FSTL5: variants seen among roughly 807,000 people sequenced by gnomAD.
FSTL5 encodes follistatin like 5.
In FSTL5, 62 loss-of-function variants were observed where a neutral mutation model predicts 89.1. The observed-to-expected ratio is 0.70, with a 90% confidence interval of 0.57 to 0.86. The LOEUF is 0.86. Among genes scored for constraint, FSTL5 ranks in the 40% least tolerant of loss-of-function variants. The pLI is 0.00. For synonymous variants in FSTL5, 383 were observed against 346.2 expected (o/e 1.11, Z -1.18); for missense variants, 1,057 against 1,001.6 (o/e 1.06, Z -0.75).
intron 4 of FSTL5, among the ~76,000 whole-genome samples, chr4:161,875,786 C>A (rs1036995427): frequency 6.6e-6 from 1 of 152,174 alleles, no homozygotes; most frequent in African/African-American, 2.4e-5. Flanking sequence ...TGTCACCAGG[C>A]TTTGGCCAAT....
chr4:161,921,476 G>C (rs1733993258), intron 3 of FSTL5, among the ~76,000 whole-genome samples: 2 of 151,940 alleles, frequency 1.3e-5, no homozygotes, highest in South Asian at 4.2e-4. Flanking sequence ...AATGAAAAAT[G>C]GCAGTAAATT....
intron 4 of FSTL5, among the ~76,000 whole-genome samples, chr4:161,878,200 C>T (rs1034306645): frequency 2.0e-5 from 3 of 152,000 alleles, no homozygotes; most frequent in African/African-American, 7.2e-5. Context: ...ATGAGAAGTG[C>T]TATACTTCCT....
At chr4:161,621,570 C>T (rs1019620435) in intron 7 of FSTL5, among the ~76,000 whole-genome samples, 3 of 151,772 alleles carry the variant, frequency 2.0e-5, no homozygotes, top group Non-Finnish European at 4.4e-5. Flanking sequence ...AAGAAACCAA[C>T]AAAATAGAAT....
At chr4:161,992,847 CAA>C (rs60808579) in intron 3 of FSTL5, among the ~76,000 whole-genome samples, 2 of 22,914 alleles carry the variant, frequency 8.7e-5, no homozygotes, top group African/African-American at 1.7e-4. Context: ...AACTCCATCT[CAA>C]AAAAAAAAAA....
chr4:161,638,473 T>A (rs1441893961), intron 7 of FSTL5, among the ~76,000 whole-genome samples: 1 of 152,148 alleles, frequency 6.6e-6, no homozygotes, highest in African/African-American at 2.4e-5. Flanking sequence ...TCCTGCCTAA[T>A]TGCCCTGGCC....
At chr4:162,038,393 T>C (rs1485312688) in intron 2 of FSTL5, among the ~76,000 whole-genome samples, 1 of 151,904 alleles carries the variant, frequency 6.6e-6, no homozygotes, top group Non-Finnish European at 1.5e-5. Flanking sequence ...TGGGAAGAAG[T>C]ACGGTTTTAT....
rs115920463 is a variant in FSTL5 at position 161,919,245 on chromosome 4, T to A, written c.409+1159A>T. On this transcript the variant is annotated intron_variant, in intron 4 of 15. Coordinates refer to ENST00000306100, the MANE Select transcript of FSTL5 (RefSeq NM_020116.5). ...TGTTATCCTTTTGGTAAAAGAACTGTCATAAAATTCTCTGCACATGTATGT... is the reference window on the plus strand; with the variant it reads ...TGTTATCCTTTTGGTAAAAGAACTGACATAAAATTCTCTGCACATGTATGT... Among the ~76,000 whole-genome samples the A allele has an allele frequency of 4.7e-3, 708 of 152,230 alleles. 3 individuals are homozygous for A. Among genetic ancestry groups the A allele is most frequent in the African/African-American group, 0.017 (688 of 41,534 alleles).
In FSTL5 at chr4:161,542,716, A is replaced by C. The variant is rs553615237; in HGVS notation, c.1016-23T>G. The stretch of plus-strand genomic sequence containing the variant: ...GAACTAAAGGAAAAAATGAAAGAGA[A>C]AGTGAATTAGTGATTCATATTTTCT... On this transcript the variant is annotated intron_variant, in intron 8 of 15. Coordinates refer to ENST00000306100, the MANE Select transcript of FSTL5 (RefSeq NM_020116.5). The C allele has an allele frequency of 7.9e-6, 11 of 1,394,938 alleles. No individual in the cohort carries two copies. The East Asian group carries it at 2.4e-4, about 30-fold the overall frequency. The allele number at this position is 1,394,938 out of a possible 1,614,324, so 86.4% of individuals were successfully genotyped here.
At chr4:162,011,527 CTT>C (rs1359914211) in intron 3 of FSTL5, among the ~76,000 whole-genome samples, 1 of 151,528 alleles carries the variant, frequency 6.6e-6, no homozygotes, top group Non-Finnish European at 1.5e-5. Flanking sequence ...GAATTTTGCT[CTT>C]GTCGCCCAGG....
chr4:161,869,020 G>A (rs920502233), intron 4 of FSTL5, among the ~76,000 whole-genome samples: 2 of 152,018 alleles, frequency 1.3e-5, no homozygotes, highest in African/African-American at 4.8e-5. Flanking sequence ...TCAGGAGTCC[G>A]AGACCAGCCT....
At chr4:161,560,104 T>G (rs1199876892) in intron 8 of FSTL5, among the ~76,000 whole-genome samples, 1 of 151,616 alleles carries the variant, frequency 6.6e-6, no homozygotes, top group East Asian at 1.9e-4. Context: ...AGTTTATATG[T>G]GGCCCAAGAC....
chr4:161,687,343 T>C (rs1421560345), intron 6 of FSTL5, among the ~76,000 whole-genome samples: 1 of 152,222 alleles, frequency 6.6e-6, no homozygotes, highest in African/African-American at 2.4e-5. Context: ...GACCCATCTT[T>C]ATACTATTTC....
intron 4 of FSTL5, among the ~76,000 whole-genome samples, chr4:161,851,854 T>C (rs1479113996): frequency 6.7e-6 from 1 of 150,270 alleles, no homozygotes; most frequent in East Asian, 2.0e-4. Flanking sequence ...AATGTTAAAG[T>C]AAAATAGAAT....
At chr4:161,824,041 T>C (rs2126854068) in intron 4 of FSTL5, among the ~76,000 whole-genome samples, 1 of 152,296 alleles carries the variant, frequency 6.6e-6, no homozygotes, top group African/African-American at 2.4e-5. Flanking sequence ...TTTATCTTTG[T>C]TTTGTTGCAT....
intron 7 of FSTL5, among the ~76,000 whole-genome samples, chr4:161,619,278 G>A (rs1339764145): frequency 6.6e-6 from 1 of 152,036 alleles, no homozygotes; most frequent in Non-Finnish European, 1.5e-5. Flanking sequence ...ACATAGGCAT[G>A]GGCAAGGACT....
chr4:161,713,379 G>A (rs1197711209), intron 6 of FSTL5, among the ~76,000 whole-genome samples: 1 of 152,186 alleles, frequency 6.6e-6, no homozygotes, highest in Non-Finnish European at 1.5e-5. Context: ...GTTACCAGGA[G>A]TTTCCTGGTT....
rs550963429 is a variant in FSTL5, at chr4:162,007,708, T to C, written c.160+25917A>G. On this transcript the variant is annotated intron_variant, in intron 3 of 15. Transcript: ENST00000306100. ...GACTCTCTGCCGTGTAATAGGCAAATAAATGCTGCACAACCATACAATGGG... is the reference window on the plus strand; with the variant it reads ...GACTCTCTGCCGTGTAATAGGCAAACAAATGCTGCACAACCATACAATGGG... Among the ~76,000 whole-genome samples, 50 of 151,872 alleles carry C rather than the reference T, an allele frequency of 3.3e-4. 1 individual carries two copies. In the South Asian group the frequency reaches 3.9e-3, roughly 12 times the overall value.
chr4:161,979,609 A>T (rs1323165524), intron 3 of FSTL5, among the ~76,000 whole-genome samples: 1 of 151,962 alleles, frequency 6.6e-6, no homozygotes, highest in Non-Finnish European at 1.5e-5. Flanking sequence ...AATATCTTAC[A>T]CTATATTTCC....
chr4:162,114,856 ATAAT>A (rs1338803471), intron 1 of FSTL5, among the ~76,000 whole-genome samples: 2 of 152,272 alleles, frequency 1.3e-5, no homozygotes, highest in East Asian at 1.9e-4. Flanking sequence ...ATGATTAATC[ATAAT>A]TAATTGTTTT....
Sources: allele counts gnomAD v4.1 joint callset (sites outside exome capture counted in the v4.1 genomes callset), GRCh38; gene constraint gnomAD v4.1.1; transcripts MANE v1.5; gene names NCBI Gene and HGNC (gene_info 2026-07-23, HGNC 2026-07-21).